The following ECSIT variants were observed in gnomAD, a reference collection of about 807,000 sequenced individuals.
The protein encoded by ECSIT is evolutionarily conserved signaling intermediate in Toll pathway, mitochondrial.
ECSIT carries 29 observed loss-of-function variants against 36.8 expected under a neutral mutation model. The observed-to-expected ratio is 0.79, with a 90% CI of 0.59 to 1.08. The LOEUF is 1.08. ECSIT is among the 50% of genes least tolerant of loss of function. The probability of loss-of-function intolerance (pLI) is 0.00; values close to 1 mark genes in which losing one functional copy is unlikely to be tolerated. For missense variants in ECSIT, 542 were observed against 581.0 expected, an observed-to-expected ratio of 0.93 and a Z score of 0.69; for synonymous variants, 231 against 234.8, an observed-to-expected ratio of 0.98 and a Z score of 0.15.
Position 11,506,143 on chromosome 19 carries a change from GCCT to G in ECSIT, c.*38_*40del. The stretch of plus-strand genomic sequence containing the variant: ...GGGCATCTCATGCCTTCAGTCCACC[GCCT>G]CCTCGGGCCACAGCCCGTGCCCTCG... On this transcript the variant is annotated 3_prime_UTR_variant, in exon 8 of 8. Coordinates refer to ENST00000270517, the MANE Select transcript of ECSIT (RefSeq NM_016581.5). The G allele has an allele frequency of 6.3e-7, 1 of 1,594,920 alleles. No individual in the cohort carries two copies. Among genetic ancestry groups the G allele is most frequent in the African/African-American group, 1.3e-5 (1 of 74,904 alleles).
chr19:11,521,605 T>TA (rs936437511), intron 1 of ECSIT, among the ~76,000 whole-genome samples: 3 of 150,912 alleles, frequency 2.0e-5, no homozygotes, highest in Non-Finnish European at 4.4e-5. Context: ...CTATCTCTAC[T>TA]AAAAAAACAA....
intron 2 of ECSIT, among the ~76,000 whole-genome samples, chr19:11,515,325 G>C (rs535979967): frequency 2.1e-4 from 32 of 151,786 alleles, no homozygotes; most frequent in Middle Eastern, 6.8e-3. Flanking sequence ...GGATGGTCTC[G>C]ATCTCCTGAC....
intron 1 of ECSIT, chr19:11,522,208 G>A: frequency 1.8e-6 from 1 of 542,678 alleles, no homozygotes; most frequent in Non-Finnish European, 3.3e-6. Context: ...TTCGGCATCT[G>A]GCTGCGCTAC....
At position 11,506,044 on chromosome 19, in the gene ECSIT, A is replaced by T. The variant is rs112385584; in HGVS notation, c.*140T>A. 7.3e-7 allele frequency: 1 copy of T among 1,373,202 alleles called. No homozygotes were observed. The allele number at this position is 1,373,202 out of a possible 1,614,324, so 85.1% of individuals were successfully genotyped here. On this transcript the variant is annotated 3_prime_UTR_variant, in exon 8 of 8. Coordinates refer to ENST00000270517, the MANE Select transcript of ECSIT (RefSeq NM_016581.5). The stretch of plus-strand genomic sequence containing the variant: ...TCGCTGGCAGCCCGAGATCCTGGGG[A>T]GGGGATGCCATACTGCTAGAGATGA...
intron 1 of ECSIT, among the ~76,000 whole-genome samples, chr19:11,524,216 G>C (rs1972165936): frequency 6.6e-6 from 1 of 151,650 alleles, no homozygotes. Context: ...CACTGCACCT[G>C]GCTGGATTTT....
At chr19:11,514,942 G>A (rs537768958) in intron 2 of ECSIT, among the ~76,000 whole-genome samples, 11 of 151,264 alleles carry the variant, frequency 7.3e-5, no homozygotes, top group African/African-American at 2.7e-4. Flanking sequence ...ATGTTCAAGC[G>A]ATTCTCATGC....
chr19:11,512,938 G>C (rs1363889913), intron 4 of ECSIT, 118 bp downstream of exon 4: 3 of 1,048,292 alleles, frequency 2.9e-6, no homozygotes, highest in Admixed American at 3.7e-5. Context: ...GCAAGACCCT[G>C]TCTCAAAAAA....
intron 1 of ECSIT, chr19:11,528,687 A>G (rs1972264801): frequency 6.6e-6 from 1 of 152,264 alleles, no homozygotes; most frequent in Non-Finnish European, 1.5e-5. Flanking sequence ...GAACGGAAAC[A>G]AGCCTCAATT....
At chr19:11,525,401 T>A (rs2145004483) in intron 1 of ECSIT, among the ~76,000 whole-genome samples, 1 of 151,872 alleles carries the variant, frequency 6.6e-6, no homozygotes, top group South Asian at 2.1e-4. Flanking sequence ...GTGTTCTCAT[T>A]CCTTGGGAGG....
rs752817300 is a variant in ECSIT at position 11,506,295 on chromosome 19, C to G, written c.1185G>C (p.Gly395=). ...AGGATGTCTGGAGCTCCCGGGTGGA[C>G]CCGGCGAGGCGGAAGACCACGGGGA... The part of the protein sequence containing the change: ...AQIPVVFRLA[G]STRELQTSSA... The change falls in exon 8 of 8, where the codon GGG becomes GGC. Residue 395 remains glycine, a synonymous_variant. Transcript: ENST00000270517. 13 of 1,612,766 alleles carry G rather than the reference C, an allele frequency of 8.1e-6. No homozygotes were observed. The highest frequency in any genetic ancestry group is 1.1e-5 in the Non-Finnish European group (13 of 1,179,852).
intron 2 of ECSIT, among the ~76,000 whole-genome samples, chr19:11,518,097 T>A (rs1972031652): frequency 1.3e-5 from 2 of 150,696 alleles, no homozygotes; most frequent in Non-Finnish European, 3.0e-5. Context: ...TCAAGACCAG[T>A]CTGGGCAACA....
intron 1 of ECSIT, chr19:11,522,281 C>T (rs1020286381): frequency 6.1e-6 from 4 of 650,790 alleles, no homozygotes; most frequent in African/African-American, 5.5e-5. Flanking sequence ...ACCACGGGCG[C>T]TGTCACCCAG....
rs1972061884 is a variant in ECSIT at position 11,519,620 on chromosome 19, G to T, written c.-23-427C>A. Among the ~76,000 whole-genome samples the T allele has an allele frequency of 6.6e-6, 1 of 152,014 alleles. No homozygotes were observed. The highest frequency in any genetic ancestry group is 1.5e-5 in the Non-Finnish European group (1 of 68,012). On this transcript the variant is annotated intron_variant, in intron 1 of 7. Transcript: ENST00000270517. This position sits in a 1 kb window ranked among gnomAD's most constrained non-coding sequence, Gnocchi z 4.4. ...GTGCTGGGATCATGGGTGTGAGCCA[G>T]CACTCCTAGCCACTACAATCTAATT... is the stretch of plus-strand genomic sequence containing the variant.
At chr19:11,512,997 G>A (rs1283217138) in intron 4 of ECSIT, 59 bp downstream of exon 4, 2 of 1,522,630 alleles carry the variant, frequency 1.3e-6, no homozygotes, top group African/African-American at 2.7e-5. Context: ...GAGCCCAGGG[G>A]AGGAATGGCG....
chr19:11,507,352 C>A, intron 7 of ECSIT, 105 bp downstream of exon 7: 2 of 847,950 alleles, frequency 2.4e-6, no homozygotes, highest in Non-Finnish European at 3.9e-6. Context: ...TAATAGTTCA[C>A]TGCAACCTCA....
rs1971927201 is a variant in ECSIT, at chr19:11,513,822, C to T, written c.496G>A (p.Glu166Lys). The change falls in exon 3 of 8, where the codon GAG becomes AAG. Residue 166 changes from glutamate (E) to lysine (K), a missense_variant. Glu to Lys is a moderately conservative substitution (Grantham distance 56). Transcript: ENST00000270517. ...GCCTCACCGTGGTTCTCCATCTGCT[C>T]CAGGACAGCAATCCCACACTCCTGC... ...RQQECGIAVL[E>K]QMENHGVMPN... 11 of 1,614,024 alleles carry T rather than the reference C, an allele frequency of 6.8e-6. No homozygotes were observed. Among genetic ancestry groups the T allele is most frequent in the Non-Finnish European group, 8.5e-6 (10 of 1,180,026 alleles).
rs149885184 is a variant in ECSIT, at chr19:11,513,077, A to T, written c.717T>A (p.Ser239Arg). 13 of 1,614,148 alleles carry T rather than the reference A, an allele frequency of 8.1e-6. No individual in the cohort carries two copies. The highest frequency in any genetic ancestry group is 1.1e-5 in the Non-Finnish European group (13 of 1,180,036). The change falls in exon 4 of 8, where the codon AGT becomes AGA. Residue 239 changes from serine to arginine, a missense_variant. Transcript: ENST00000270517. The part of the protein sequence containing the change: ...FGLRHMEPDL[S>R]ARVTIYQVPL... ...ATACCTGGTAGATGGTGACCCTGGC[A>T]CTAAGGTCAGGCTCCATGTGCCGCA...
chr19:11,517,552 C>T (rs1443331728), intron 2 of ECSIT, among the ~76,000 whole-genome samples: 6 of 151,932 alleles, frequency 3.9e-5, no homozygotes, highest in Non-Finnish European at 5.9e-5. Context: ...GCTGAGATCA[C>T]GCCACTGCAC....
intron 1 of ECSIT, among the ~76,000 whole-genome samples, chr19:11,520,673 C>T (rs1270899375): frequency 6.6e-6 from 1 of 151,490 alleles, no homozygotes; most frequent in East Asian, 1.9e-4. Context: ...CCACTGCATC[C>T]AGCTAATTTA....
Sources: allele counts gnomAD v4.1 joint callset (sites outside exome capture counted in the v4.1 genomes callset), GRCh38; gene constraint gnomAD v4.1.1; non-coding constraint Gnocchi (gnomAD v3.1); transcripts MANE v1.5; gene names NCBI Gene and HGNC (gene_info 2026-07-23, HGNC 2026-07-21).